The following LAMC3 variants were observed in gnomAD, a reference collection of about 807,000 sequenced individuals.
The protein encoded by LAMC3 is laminin subunit gamma-3.
A neutral mutation model predicts 173.8 loss-of-function variants in LAMC3; 128 were observed. The observed-to-expected ratio is 0.74, with a 90% CI of 0.64 to 0.85. LAMC3 has a LOEUF of 0.85. Among genes scored for constraint, LAMC3 ranks in the 40% least tolerant of loss-of-function variants. The pLI is 0.00. For missense variants in LAMC3, 2,022 were observed against 2,156.0 expected, an observed-to-expected ratio of 0.94 and a Z score of 1.23; for synonymous variants, 897 against 909.1, an observed-to-expected ratio of 0.99 and a Z score of 0.24.
At position 131,052,891 on chromosome 9, in the gene LAMC3, C is replaced by T. The variant is rs142041428; in HGVS notation, c.1865C>T (p.Pro622Leu). The T allele has an allele frequency of 4.3e-6, 7 of 1,614,030 alleles. No homozygotes were observed. Among genetic ancestry groups the T allele is most frequent in the Middle Eastern group, 1.6e-4 (1 of 6,062 alleles). The change falls in exon 11 of 28, where the codon CCC becomes CTC. Residue 622 changes from proline to leucine, a missense_variant. By Grantham distance (98) the Pro-to-Leu change is moderately conservative. Coordinates refer to ENST00000361069, the MANE Select transcript of LAMC3 (RefSeq NM_006059.4). ...TSEDVAPPLPPFHFQRLLANL... is the reference protein window; with the variant it reads ...TSEDVAPPLPLFHFQRLLANL... Reference sequence around the variant, plus strand: ...GAGGACGTGGCCCCTCCACTGCCCCCCTTCCACTTCCAGCGGCTCCTCGCC... The same window carrying T: ...GAGGACGTGGCCCCTCCACTGCCCCTCTTCCACTTCCAGCGGCTCCTCGCC...
At chr9:131,080,128 G>A (rs549472730) in intron 23 of LAMC3, among the ~76,000 whole-genome samples, 2 of 151,708 alleles carry the variant, frequency 1.3e-5, no homozygotes, top group Admixed American at 6.6e-5. Context: ...GTGTGCCACC[G>A]TGTCTAGCTA....
At chr9:131,013,512 C>T (rs1358973119) in intron 1 of LAMC3, among the ~76,000 whole-genome samples, 1 of 152,220 alleles carries the variant, frequency 6.6e-6, no homozygotes. Context: ...CCAGCCTTGG[C>T]TCACTGGCCA....
chr9:131,015,541 C>T (rs1588135594), intron 1 of LAMC3, among the ~76,000 whole-genome samples: 1 of 152,212 alleles, frequency 6.6e-6, no homozygotes, highest in East Asian at 1.9e-4. Context: ...TCCACCTGAG[C>T]CCTCGACTGG....
intron 9 of LAMC3, among the ~76,000 whole-genome samples, chr9:131,050,244 C>T (rs1401861579): frequency 1.3e-5 from 2 of 152,258 alleles, no homozygotes; most frequent in Non-Finnish European, 2.9e-5. Context: ...TCATGGTGCT[C>T]TCAGGCCGGC....
Position 131,087,511 on chromosome 9 carries a change from G to GCACCGCCGTGCCAGCAGGCT in LAMC3, c.4271_4290dup (p.Ser1431AlafsTer41). 1 of 1,613,768 alleles carries GCACCGCCGTGCCAGCAGGCT rather than the reference G, an allele frequency of 6.2e-7. No homozygotes were observed. The highest frequency in any genetic ancestry group is 8.5e-7 in the Non-Finnish European group (1 of 1,180,010). The stretch of plus-strand genomic sequence containing the variant: ...CCTTGCTGAGGGAGCGGAAACAGGC[G>GCACCGCCGTGCCAGCAGGCT]CACCGCCGTGCCAGCAGGCTCACCA... On this transcript the variant is annotated frameshift_variant, in exon 26 of 28. Transcript: ENST00000361069. LOFTEE classifies it high-confidence loss of function.
At chr9:131,024,493 G>A (rs1246355552) in intron 1 of LAMC3, among the ~76,000 whole-genome samples, 1 of 152,134 alleles carries the variant, frequency 6.6e-6, no homozygotes, top group Non-Finnish European at 1.5e-5. Flanking sequence ...CGACTAGGGT[G>A]GCTTGTCCTC....
In LAMC3 at chr9:131,009,331, C is replaced by A; in HGVS notation, c.117C>A (p.Phe39Leu). The change falls in exon 1 of 28, where the codon TTC (phenylalanine) becomes TTA (leucine). Residue 39 changes from phenylalanine to leucine, a missense_variant. Phe to Leu is a conservative substitution (Grantham distance 22). Coordinates refer to ENST00000361069, the MANE Select transcript of LAMC3 (RefSeq NM_006059.4). This position sits in a 1 kb window ranked among gnomAD's most constrained non-coding sequence, Gnocchi z 4.3. ...GCCCGCAGCGCTGCCTGCCGGTGTT[C>A]GAGAACGCGGCGTTTGGGCGGCTCG... Reference protein sequence around the residue: ...AGRPQRCLPVFENAAFGRLAQ... With the variant: ...AGRPQRCLPVLENAAFGRLAQ... 1 of 1,487,434 alleles carries A rather than the reference C, an allele frequency of 6.7e-7. No individual in the cohort carries two copies. The highest frequency in any genetic ancestry group is 1.3e-5 in the South Asian group (1 of 78,662). 92.1% of individuals were successfully genotyped at this position (1,487,434 alleles called of 1,614,324 possible). A position where few individuals can be genotyped will look rare whatever the true frequency, so the allele number is the denominator to read the frequency against.
At chr9:131,010,819 C>T (rs1223721101) in intron 1 of LAMC3, among the ~76,000 whole-genome samples, 1 of 152,176 alleles carries the variant, frequency 6.6e-6, no homozygotes, top group African/African-American at 2.4e-5. Context: ...GGAGTCTGGA[C>T]CCAGCCCCGG....
chr9:131,066,936 C>T, intron 13 of LAMC3, 24 bp from the exon 14 acceptor site: 1 of 1,612,464 alleles, frequency 6.2e-7, no homozygotes, highest in Non-Finnish European at 8.5e-7. Context: ...CTGTGTTCCC[C>T]ACACGTGCTC....
At position 131,069,066 on chromosome 9, in the gene LAMC3, C is replaced by T. The variant is rs1209131819; in HGVS notation, c.2890+16C>T. The T allele has an allele frequency of 1.9e-6, 3 of 1,612,878 alleles. No individual in the cohort carries two copies. The highest frequency in any genetic ancestry group is 2.2e-5 in the South Asian group (2 of 90,996). The stretch of plus-strand genomic sequence containing the variant: ...GGCTGCCGGGGTAAGGAGGCTGGGT[C>T]CTTCCCGGGCTGCCCTGAGGGTGGG... On this transcript the variant is annotated intron_variant, in intron 16 of 27. Coordinates refer to ENST00000361069, the MANE Select transcript of LAMC3 (RefSeq NM_006059.4).
At chr9:131,056,842 T>C (rs778378945) in intron 11 of LAMC3, 87 bp from the exon 12 acceptor site, 1 of 987,312 alleles carries the variant, frequency 1.0e-6, no homozygotes, top group Non-Finnish European at 1.6e-6. Context: ...GTGGGCCTGG[T>C]CCATATGTGA....
At chr9:131,081,924 T>G (rs1830250115) in intron 23 of LAMC3, 135 bp from the exon 24 acceptor site, 2 of 696,166 alleles carry the variant, frequency 2.9e-6, no homozygotes, top group Admixed American at 2.0e-5. Flanking sequence ...GTGCTCCTGG[T>G]GGACAGCGTG....
intron 14 of LAMC3, among the ~76,000 whole-genome samples, chr9:131,067,451 G>A (rs1375192469): frequency 2.0e-5 from 3 of 152,144 alleles, no homozygotes; most frequent in Non-Finnish European, 4.4e-5. Flanking sequence ...AGCCTGGATT[G>A]TCTAGTGCTT....
Position 131,091,643 on chromosome 9 carries a change from A to G in LAMC3, c.4584A>G (p.Lys1528=), listed in dbSNP as rs905244483. Residue 1528 remains lysine, a synonymous_variant, in exon 28 of 28, where the codon AAA becomes AAG. Transcript: ENST00000361069. The stretch of plus-strand genomic sequence containing the variant: ...GCTCCCCGGGGTCCTTGCAGAGGAA[A>G]CTCAGTCTGCTGGAGCAGGAATCCC... The part of the protein sequence containing the change: ...QLGSPGSLQR[K]LSLLEQESQQ... 1 of 1,604,052 alleles carries G rather than the reference A, an allele frequency of 6.2e-7. No individual in the cohort carries two copies. Among genetic ancestry groups the G allele is most frequent in the African/African-American group, 1.3e-5 (1 of 74,822 alleles).
rs376494132 is a variant in LAMC3 at position 131,009,550 on chromosome 9, G to A, written c.336G>A (p.Val112=). Residue 112 remains valine, a synonymous_variant, in exon 1 of 28, where the codon GTG becomes GTA. Coordinates refer to ENST00000361069, the MANE Select transcript of LAMC3 (RefSeq NM_006059.4). The surrounding 1 kb of genome is among the most constrained non-coding windows in gnomAD (Gnocchi z 4.3). ...AGAGCCCGTCCATGGCCTTCGGCGT[G>A]CAGTACCCCACCTCGGTCAACATCA... ...WWQSPSMAFG[V]QYPTSVNITL... is the part of the protein sequence containing the mutation. 3 of 1,569,362 alleles carry A rather than the reference G, an allele frequency of 1.9e-6. No homozygotes were observed. In the African/African-American group the frequency reaches 4.1e-5, roughly 21 times the overall value.
chr9:131,069,053 A>G lies in LAMC3; in HGVS notation c.2890+3A>G. On this transcript the variant is annotated splice_donor_region_variant and intron_variant, in intron 16 of 27. Transcript: ENST00000361069. ...CTTCTCCATCAAGGGCTGCCGGGGT[A>G]AGGAGGCTGGGTCCTTCCCGGGCTG... is the stretch of plus-strand genomic sequence containing the variant. 1.2e-6 allele frequency: 2 copies of G among 1,613,328 alleles called. No homozygotes were observed. The highest frequency in any genetic ancestry group is 8.5e-7 in the Non-Finnish European group (1 of 1,179,874).
At chr9:131,043,112 A>G (rs777368512) in intron 7 of LAMC3, among the ~76,000 whole-genome samples, 1 of 152,184 alleles carries the variant, frequency 6.6e-6, no homozygotes, top group Admixed American at 6.5e-5. Flanking sequence ...GGAAGCCCCT[A>G]CCCACTGAGC....
chr9:131,057,995 G>A (rs957899076), intron 12 of LAMC3, among the ~76,000 whole-genome samples: 4 of 152,256 alleles, frequency 2.6e-5, no homozygotes, highest in East Asian at 1.9e-4. Context: ...AAGGCCCCAC[G>A]CTGCAGTGCA....
intron 1 of LAMC3, among the ~76,000 whole-genome samples, chr9:131,016,051 C>T (rs541326729): frequency 6.6e-6 from 1 of 152,270 alleles, no homozygotes; most frequent in African/African-American, 2.4e-5. Flanking sequence ...TCCATCCATC[C>T]AGTAGAATAT....
Sources: gnomAD v4.1 joint callset for allele counts (sites outside exome capture counted in the v4.1 genomes callset) on GRCh38, gnomAD v4.1.1 for gene constraint, Gnocchi (gnomAD v3.1) non-coding constraint, MANE v1.5 for transcripts, NCBI Gene and HGNC (gene_info 2026-07-23, HGNC 2026-07-21) for gene names.